PRR29: variants seen among roughly 807,000 people sequenced by gnomAD.
The protein encoded by PRR29 is proline-rich protein 29.
A neutral mutation model predicts 25.1 loss-of-function variants in PRR29; 20 were observed. That is an observed-to-expected ratio of 0.80 (90% CI 0.56 to 1.16). The LOEUF (loss-of-function observed/expected upper bound fraction) is 1.16, where lower values mean the gene tolerates loss of function less well. Ranked by LOEUF, PRR29 falls within the 50% of genes most tolerant of loss-of-function variation. The pLI is 0.00. For missense variants in PRR29, 238 were observed against 246.6 expected, an observed-to-expected ratio of 0.97 and a Z score of 0.23; for synonymous variants, 108 against 102.6, an observed-to-expected ratio of 1.05 and a Z score of -0.32.
At position 64,001,822 on chromosome 17, in the gene PRR29, G is replaced by A. The variant is rs1363270792; in HGVS notation, c.*61G>A. ...CTGCTCTGGATACAGCCCCGGAGCCGCCTCCTGCACCTCTCTTGTCGACTC... is the reference window on the plus strand; with the variant it reads ...CTGCTCTGGATACAGCCCCGGAGCCACCTCCTGCACCTCTCTTGTCGACTC... On this transcript the variant is annotated 3_prime_UTR_variant, in exon 6 of 6. Coordinates refer to ENST00000412177, the MANE Select transcript of PRR29 (RefSeq NM_001164257.2). 1.0e-5 allele frequency: 16 copies of A among 1,536,918 alleles called. No homozygotes were observed. Among genetic ancestry groups the A allele is most frequent in the South Asian group, 2.4e-5 (2 of 84,064 alleles).
chr17:64,000,440 C>T (rs1449744711), intron 3 of PRR29, among the ~76,000 whole-genome samples: 3 of 152,164 alleles, frequency 2.0e-5, no homozygotes, highest in African/African-American at 4.8e-5. Flanking sequence ...AACAACTCTC[C>T]TGCCCCAGCC....
Position 64,001,496 on chromosome 17 carries a change from G to A in PRR29, c.500G>A (p.Ser167Asn). ...VRAVPPPPPP[S>N]ATGTVGADVP... is the part of the protein sequence containing the mutation. The stretch of plus-strand genomic sequence containing the variant: ...GCTGTGCCCCCACCCCCACCCCCCA[G>A]TGCCACAGGGACTGTGGGTGCTGAT... Residue 167 changes from serine (S) to asparagine (N), a missense_variant, in exon 5 of 6, where the codon AGT (serine) becomes AAT (asparagine). Ser to Asn is a conservative substitution (Grantham distance 46, BLOSUM62 1). Coordinates refer to ENST00000412177, the MANE Select transcript of PRR29 (RefSeq NM_001164257.2). The A allele has an allele frequency of 6.7e-7, 1 of 1,500,428 alleles. No homozygotes were observed. The highest frequency in any genetic ancestry group is 8.8e-7 in the Non-Finnish European group (1 of 1,130,766). The allele number at this position is 1,500,428 out of a possible 1,614,324, so 92.9% of individuals were successfully genotyped here.
chr17:64,001,113 T>TGAGGAG lies in PRR29; in HGVS notation c.286_291dup (p.Glu96_Glu97dup), dbSNP rs559317966. On this transcript the variant is annotated inframe_insertion, in exon 4 of 6. Coordinates refer to ENST00000412177, the MANE Select transcript of PRR29 (RefSeq NM_001164257.2). ...ACCTGGAGGTTCCACAGGAAGAGCCTGAGGAGGAGGAGGAGGAGATGGACG... is the reference window on the plus strand; with the variant it reads ...ACCTGGAGGTTCCACAGGAAGAGCCTGAGGAGGAGGAGGAGGAGGAGGAGATGGACG... 1.4e-4 allele frequency: 222 copies of TGAGGAG among 1,537,090 alleles called. 1 individual carries two copies. Among genetic ancestry groups the TGAGGAG allele is most frequent in the Middle Eastern group, 1.3e-3 (8 of 5,992 alleles).
At chr17:63,998,902 G>A in intron 2 of PRR29, 66 bp from the exon 3 acceptor site, 1 of 1,449,546 alleles carries the variant, frequency 6.9e-7, no homozygotes, top group Non-Finnish European at 9.4e-7. Context: ...TCACCCCCGG[G>A]ACAGGGGTGT....
rs112975422 is a variant in PRR29, at chr17:64,002,721, G to C, written c.*960G>C. ...CACACTGAGTTCCAGTGACCACCGT[G>C]GTGGTGGCCATGCCACTCATGGTTG... On this transcript the variant is annotated 3_prime_UTR_variant, in exon 6 of 6. Transcript: ENST00000412177. The C allele has an allele frequency of 4.8e-5, 77 of 1,600,206 alleles. 1 individual carries two copies. In the African/African-American group the frequency reaches 9.1e-4, roughly 19 times the overall value.
chr17:64,000,806 C>G lies in PRR29; in HGVS notation c.244-278C>G, dbSNP rs370803787. ...TAGCTGGGACTACAGGCGCCCACCA[C>G]CATGCCCAGCTAATTTTTTTTTTTT... On this transcript the variant is annotated intron_variant, in intron 3 of 5. Transcript: ENST00000412177. 112 of 402,214 alleles carry G rather than the reference C, an allele frequency of 2.8e-4. 1 individual carries two copies. The highest frequency in any genetic ancestry group is 2.0e-3 in the African/African-American group (94 of 46,820). 24.9% of individuals were successfully genotyped at this position (402,214 alleles called of 1,614,324 possible).
At position 64,002,237 on chromosome 17, in the gene PRR29, G is replaced by T; in HGVS notation, c.*476G>T. The T allele has an allele frequency of 1.8e-6, 1 of 562,996 alleles. No homozygotes were observed. Among genetic ancestry groups the T allele is most frequent in the Non-Finnish European group, 3.2e-6 (1 of 315,726 alleles). 34.9% of individuals were successfully genotyped at this position (562,996 alleles called of 1,614,324 possible). A position where few individuals can be genotyped will look rare whatever the true frequency, so the allele number is the denominator to read the frequency against. The stretch of plus-strand genomic sequence containing the variant: ...AGAGTGGTCGGGGAGAGACTTTGCT[G>T]GGCAGCGCCCCTGAGCAGAGTCAGT... On this transcript the variant is annotated 3_prime_UTR_variant, in exon 6 of 6. Transcript: ENST00000412177.
At position 64,001,912 on chromosome 17, in the gene PRR29, G is replaced by A. The variant is rs1207741115; in HGVS notation, c.*151G>A. On this transcript the variant is annotated 3_prime_UTR_variant, in exon 6 of 6. Coordinates refer to ENST00000412177, the MANE Select transcript of PRR29 (RefSeq NM_001164257.2). ...CCTCAGCCAGGCCCTCTTCTCCTGG[G>A]GAAATCAGTCCCTGCCCCACGCCAA... 2 of 1,535,692 alleles carry A rather than the reference G, an allele frequency of 1.3e-6. No homozygotes were observed. Among genetic ancestry groups the A allele is most frequent in the African/African-American group, 2.7e-5 (2 of 73,004 alleles).
chr17:64,003,248 C>T lies in PRR29; in HGVS notation c.*1487C>T. On this transcript the variant is annotated 3_prime_UTR_variant, in exon 6 of 6. Transcript: ENST00000412177. ...GGAGGGTGGCATGGTCCCAGCCAAG[C>T]CCCTTCTTGGGCAGAGCTGAGTGAA... 4.6e-6 allele frequency: 2 copies of T among 432,736 alleles called. No homozygotes were observed. The highest frequency in any genetic ancestry group is 3.8e-5 in the Admixed American group (1 of 26,182). The allele number at this position is 432,736 out of a possible 1,614,324, so 26.8% of individuals were successfully genotyped here.
Position 64,002,976 on chromosome 17 carries a change from AG to A in PRR29, c.*1218del. On this transcript the variant is annotated 3_prime_UTR_variant, in exon 6 of 6. Coordinates refer to ENST00000412177, the MANE Select transcript of PRR29 (RefSeq NM_001164257.2). Reference sequence around the variant, plus strand: ...TAGACGTCCTGTGATCCCAGTTACCAGGGACCAAAAGGGAGTGGAAGTCCAC... The same window carrying A: ...TAGACGTCCTGTGATCCCAGTTACCAGGACCAAAAGGGAGTGGAAGTCCAC... 1 of 1,545,082 alleles carries A rather than the reference AG, an allele frequency of 6.5e-7. No homozygotes were observed. Among genetic ancestry groups the A allele is most frequent in the Non-Finnish European group, 8.8e-7 (1 of 1,131,656 alleles).
At chr17:64,000,220 G>T (rs936431675) in intron 3 of PRR29, among the ~76,000 whole-genome samples, 2 of 152,236 alleles carry the variant, frequency 1.3e-5, no homozygotes, top group Non-Finnish European at 2.9e-5. Flanking sequence ...AATCAACTGG[G>T]TGGCCAAGTT....
Position 64,002,442 on chromosome 17 carries a change from G to T in PRR29, c.*681G>T, listed in dbSNP as rs1048441586. The T allele has an allele frequency of 2.2e-6, 1 of 449,448 alleles. No homozygotes were observed. Among genetic ancestry groups the T allele is most frequent in the African/African-American group, 2.0e-5 (1 of 51,122 alleles). The allele number at this position is 449,448 out of a possible 1,614,324, so 27.8% of individuals were successfully genotyped here. Reference sequence around the variant, plus strand: ...CCCCACCCTCCCTCAGTAGCAATGAGCTACTCGGGCCAGATGGGGGCCTGT... The same window carrying T: ...CCCCACCCTCCCTCAGTAGCAATGATCTACTCGGGCCAGATGGGGGCCTGT... On this transcript the variant is annotated 3_prime_UTR_variant, in exon 6 of 6. Coordinates refer to ENST00000412177, the MANE Select transcript of PRR29 (RefSeq NM_001164257.2).
At chr17:63,998,907 G>A (rs1910344941) in intron 2 of PRR29, 61 bp from the exon 3 acceptor site, 1 of 1,463,754 alleles carries the variant, frequency 6.8e-7, no homozygotes, top group Non-Finnish European at 9.2e-7. Context: ...CCCGGGACAG[G>A]GGTGTCAGGG....
rs1598004078 is a variant in PRR29, at chr17:63,999,443, G to A, written c.243+369G>A. 3.4e-5 allele frequency: 10 copies of A among 298,018 alleles called. 1 individual carries two copies. In the South Asian group the frequency reaches 3.8e-4, roughly 11 times the overall value. The allele number at this position is 298,018 out of a possible 1,614,324, so 18.5% of individuals were successfully genotyped here. On this transcript the variant is annotated intron_variant, in intron 3 of 5. Coordinates refer to ENST00000412177, the MANE Select transcript of PRR29 (RefSeq NM_001164257.2). ...CTCAGCTGATATTTGTTGAACGAGT[G>A]AATGAATAAATGAATGGTTAGGGAT...
intron 3 of PRR29, chr17:63,999,964 TACTC>T (rs1363060938): frequency 6.6e-6 from 1 of 152,498 alleles, no homozygotes; most frequent in East Asian, 1.9e-4. Flanking sequence ...GGCTGAGCCT[TACTC>T]AGCCAATAGT....
In PRR29 at chr17:64,004,034, G is replaced by A; in HGVS notation, c.*2273G>A. 1 of 1,201,542 alleles carries A rather than the reference G, an allele frequency of 8.3e-7. No homozygotes were observed. The allele number at this position is 1,201,542 out of a possible 1,614,324, so 74.4% of individuals were successfully genotyped here. Reference sequence around the variant, plus strand: ...GTCCCAGCAGCCTCCCCCTGGCCAGGGCCATCTCCTGTCACCATGGTGTTC... The same window carrying A: ...GTCCCAGCAGCCTCCCCCTGGCCAGAGCCATCTCCTGTCACCATGGTGTTC... On this transcript the variant is annotated 3_prime_UTR_variant, in exon 6 of 6. Coordinates refer to ENST00000412177, the MANE Select transcript of PRR29 (RefSeq NM_001164257.2).
intron 3 of PRR29, 126 bp from the exon 4 acceptor site, chr17:64,000,958 G>C: frequency 1.2e-6 from 1 of 834,450 alleles, no homozygotes; most frequent in South Asian, 1.6e-5. Flanking sequence ...GAGCCACCAT[G>C]CCTGGCCACA....
chr17:64,003,013 G>C lies in PRR29; in HGVS notation c.*1252G>C. The C allele has an allele frequency of 8.3e-7, 1 of 1,208,622 alleles. No individual in the cohort carries two copies. Among genetic ancestry groups the C allele is most frequent in the Non-Finnish European group, 1.2e-6 (1 of 862,986 alleles). The allele number at this position is 1,208,622 out of a possible 1,614,324, so 74.9% of individuals were successfully genotyped here. On this transcript the variant is annotated 3_prime_UTR_variant, in exon 6 of 6. Coordinates refer to ENST00000412177, the MANE Select transcript of PRR29 (RefSeq NM_001164257.2). ...GGAGTGGAAGTCCACCCCCAACCCA[G>C]ACCCCCAGACCCCGCCGCCCGCTCA...
chr17:63,999,669 A>G (rs1910444844), intron 3 of PRR29: 1 of 165,652 alleles, frequency 6.0e-6, no homozygotes. Flanking sequence ...AGGAGACAGA[A>G]TGGGGGAAAC....
Sources: gnomAD v4.1 joint callset for allele counts (sites outside exome capture counted in the v4.1 genomes callset) on GRCh38, gnomAD v4.1.1 for gene constraint, MANE v1.5 for transcripts, NCBI Gene and HGNC (gene_info 2026-07-23, HGNC 2026-07-21) for gene names.